Variants in TAFA2 observed in about 807,000 individuals in gnomAD.
TAFA2 encodes chemokine-like protein TAFA-2.
TAFA2 carries 7 observed loss-of-function variants against 18.8 expected under a neutral mutation model. The observed-to-expected ratio is 0.37, with a 90% confidence interval of 0.21 to 0.70. TAFA2 has a LOEUF of 0.70. TAFA2 is among the 30% of genes least tolerant of loss of function. The probability of loss-of-function intolerance (pLI) is 0.53; values close to 1 mark genes in which losing one functional copy is unlikely to be tolerated. For missense variants in TAFA2, 122 were observed against 158.1 expected (o/e 0.77, Z 1.23); for synonymous variants, 60 against 54.2 (o/e 1.11, Z -0.47).
chr12:61,940,691 T>A (rs1415841644), intron 1 of TAFA2, among the ~76,000 whole-genome samples: 1 of 152,254 alleles, frequency 6.6e-6, no homozygotes, highest in East Asian at 1.9e-4. Context: ...TACGCAGAGG[T>A]GCAGGTGAAG....
At chr12:62,001,683 T>C (rs11174272) in intron 1 of TAFA2, among the ~76,000 whole-genome samples, 40,544 of 151,832 alleles carry the variant, frequency 0.27, 5,670 homozygotes, top group East Asian at 0.44. Context: ...CTTGCCCTCC[T>C]GCTGCTCACC....
chr12:62,123,972 C>T (rs572208197), intron 1 of TAFA2, among the ~76,000 whole-genome samples: 1 of 152,128 alleles, frequency 6.6e-6, no homozygotes, highest in African/African-American at 2.4e-5. Context: ...CCTGTTTAAA[C>T]TCGAATTTAA....
chr12:61,788,524 T>G (rs566959636), intron 2 of TAFA2, among the ~76,000 whole-genome samples: 1 of 151,532 alleles, frequency 6.6e-6, no homozygotes, highest in African/African-American at 2.4e-5. Context: ...ATCACAATAG[T>G]ATAAAGCTAA....
chr12:61,953,045 A>G (rs1174867539), intron 1 of TAFA2, among the ~76,000 whole-genome samples: 1 of 152,144 alleles, frequency 6.6e-6, no homozygotes. Context: ...CCAAGGCAAG[A>G]CTATAAAAGT....
intron 1 of TAFA2, among the ~76,000 whole-genome samples, chr12:61,997,955 C>G (rs966132556): frequency 3.9e-5 from 6 of 152,030 alleles, no homozygotes; most frequent in Non-Finnish European, 8.8e-5. Flanking sequence ...AGACTAATTT[C>G]TATGCACCTA....
At chr12:61,747,045 A>C (rs374636937) in intron 4 of TAFA2, among the ~76,000 whole-genome samples, 13 of 152,260 alleles carry the variant, frequency 8.5e-5, no homozygotes, top group Middle Eastern at 3.4e-3. Flanking sequence ...ACCCCATCAA[A>C]AAGTGGGCAA....
chr12:62,078,485 C>T (rs911281850), intron 1 of TAFA2, among the ~76,000 whole-genome samples: 9 of 151,152 alleles, frequency 6.0e-5, no homozygotes, highest in Admixed American at 2.0e-4. Flanking sequence ...ACTGGCCTTT[C>T]ACTGATTTTT....
intron 1 of TAFA2, among the ~76,000 whole-genome samples, chr12:62,033,728 CAT>C (rs1050181789): frequency 1.3e-5 from 2 of 151,770 alleles, no homozygotes; most frequent in African/African-American, 2.4e-5. Context: ...GTTATATACT[CAT>C]ATATGAGTGT....
At chr12:62,153,901 A>G (rs1472837429) in intron 1 of TAFA2, among the ~76,000 whole-genome samples, 1 of 149,802 alleles carries the variant, frequency 6.7e-6, no homozygotes, top group African/African-American at 2.5e-5. Flanking sequence ...GTGTCTATAC[A>G]CAGGCATGAA....
At chr12:61,886,393 C>T (rs1187324738) in intron 1 of TAFA2, among the ~76,000 whole-genome samples, 5 of 152,142 alleles carry the variant, frequency 3.3e-5, no homozygotes, top group Non-Finnish European at 7.4e-5. Context: ...TGCCACTGCC[C>T]CATGGAATGC....
intron 1 of TAFA2, among the ~76,000 whole-genome samples, chr12:61,902,523 A>G (rs994082080): frequency 6.6e-6 from 1 of 152,002 alleles, no homozygotes; most frequent in African/African-American, 2.4e-5. Context: ...CACTCTCACA[A>G]TCTTGGCTCT....
chr12:61,835,783 G>C (rs1248438187), intron 2 of TAFA2, among the ~76,000 whole-genome samples: 1 of 151,748 alleles, frequency 6.6e-6, no homozygotes, highest in Non-Finnish European at 1.5e-5. Context: ...TGAATAAAAT[G>C]GTGCAAACAT....
At chr12:61,916,343 A>G (rs1013511095) in intron 1 of TAFA2, among the ~76,000 whole-genome samples, 2 of 152,186 alleles carry the variant, frequency 1.3e-5, no homozygotes, top group Admixed American at 6.6e-5. Flanking sequence ...AAACTTCCAC[A>G]TAATAGAGAT....
At chr12:61,988,532 A>G (rs901235145) in intron 1 of TAFA2, among the ~76,000 whole-genome samples, 9 of 152,216 alleles carry the variant, frequency 5.9e-5, no homozygotes, top group Non-Finnish European at 1.2e-4. Context: ...AGCAGAGCAC[A>G]TAATGTCTTC....
chr12:61,818,155 T>G (rs1433073595), intron 2 of TAFA2, among the ~76,000 whole-genome samples: 1 of 152,172 alleles, frequency 6.6e-6, no homozygotes, highest in Non-Finnish European at 1.5e-5. Flanking sequence ...GCCTCGACTT[T>G]CTCTTTACCC....
chr12:62,056,538 A>T (rs977741316), intron 1 of TAFA2, among the ~76,000 whole-genome samples: 1 of 152,166 alleles, frequency 6.6e-6, no homozygotes, highest in Non-Finnish European at 1.5e-5. Flanking sequence ...GGAGGCCTGA[A>T]GTCCATGGGC....
intron 4 of TAFA2, 136 bp from the exon 5 acceptor site, chr12:61,710,553 AC>A: frequency 1.5e-6 from 1 of 648,070 alleles, no homozygotes; most frequent in Non-Finnish European, 2.7e-6. Flanking sequence ...ATTTTAAAGG[AC>A]TAACAGATGC....
At chr12:62,218,041 G>A (rs1447246100) in intron 1 of TAFA2, among the ~76,000 whole-genome samples, 1 of 150,572 alleles carries the variant, frequency 6.6e-6, no homozygotes, top group African/African-American at 2.5e-5. Context: ...TGTTGCCCTG[G>A]CTGGACTGCA....
chr12:61,727,079 C>T (rs1870202605), intron 4 of TAFA2, among the ~76,000 whole-genome samples: 1 of 152,036 alleles, frequency 6.6e-6, no homozygotes, highest in African/African-American at 2.4e-5. Flanking sequence ...GTATGAAGCA[C>T]ACTTGATCAT....
Sources: gnomAD v4.1 joint callset for allele counts (sites outside exome capture counted in the v4.1 genomes callset) on GRCh38, gnomAD v4.1.1 for gene constraint, MANE v1.5 for transcripts, NCBI Gene and HGNC (gene_info 2026-07-23, HGNC 2026-07-21) for gene names.